CDH13: variants seen among roughly 807,000 people sequenced by gnomAD.
CDH13 encodes the protein cadherin-13.
CDH13 carries 24 observed loss-of-function variants against 63.8 expected under a neutral mutation model. The observed-to-expected ratio is 0.38, with a 90% CI of 0.27 to 0.53. The LOEUF is 0.53. CDH13 is among the 20% of genes least tolerant of loss of function. The pLI is 0.85. For missense variants in CDH13, 1,049 were observed against 903.1 expected, an observed-to-expected ratio of 1.16 and a Z score of -2.07; for synonymous variants, 503 against 355.3, an observed-to-expected ratio of 1.42 and a Z score of -4.67.
intron 5 of CDH13, among the ~76,000 whole-genome samples, chr16:83,232,111 T>C (rs2040012831): frequency 6.6e-6 from 1 of 150,938 alleles, no homozygotes; most frequent in Admixed American, 6.6e-5. Flanking sequence ...CTAGGCTTAA[T>C]ACCTGATTGA....
chr16:83,392,389 A>T (rs1206243712), intron 6 of CDH13, among the ~76,000 whole-genome samples: 1 of 152,220 alleles, frequency 6.6e-6, no homozygotes, highest in African/African-American at 2.4e-5. Context: ...GATTGTTCCT[A>T]AAATTATCAC....
intron 3 of CDH13, among the ~76,000 whole-genome samples, chr16:83,067,589 G>A (rs189676694): frequency 2.3e-4 from 35 of 152,292 alleles, no homozygotes; most frequent in African/African-American, 8.2e-4. Flanking sequence ...CATGATCGAA[G>A]AACCTCACTG....
chr16:82,778,817 ACCT>A (rs2035620123), intron 1 of CDH13, among the ~76,000 whole-genome samples: 1 of 151,984 alleles, frequency 6.6e-6, no homozygotes, highest in South Asian at 2.1e-4. Flanking sequence ...AAAGACCACC[ACCT>A]CCTTCCTTAA....
intron 3 of CDH13, among the ~76,000 whole-genome samples, chr16:83,040,444 C>G (rs181721459): frequency 6.6e-6 from 1 of 152,216 alleles, no homozygotes; most frequent in Non-Finnish European, 1.5e-5. Flanking sequence ...AGTCTGTGGC[C>G]GAAGGCCCCA....
chr16:82,702,478 C>G (rs1463513530), intron 1 of CDH13, among the ~76,000 whole-genome samples: 1 of 152,070 alleles, frequency 6.6e-6, no homozygotes, highest in African/African-American at 2.4e-5. Flanking sequence ...AGTGCAGGCA[C>G]CATAAATACC....
At chr16:83,536,128 A>G (rs1349805660) in intron 7 of CDH13, among the ~76,000 whole-genome samples, 1 of 152,152 alleles carries the variant, frequency 6.6e-6, no homozygotes, top group African/African-American at 2.4e-5. Flanking sequence ...GGCATTGAGA[A>G]ATCCTTTCCG....
At chr16:83,600,965 G>A (rs142195840) in intron 7 of CDH13, among the ~76,000 whole-genome samples, 23 of 152,224 alleles carry the variant, frequency 1.5e-4, no homozygotes, top group Non-Finnish European at 2.6e-4. Context: ...GTGGTCATGA[G>A]ATGACTCCTC....
intron 6 of CDH13, among the ~76,000 whole-genome samples, chr16:83,443,935 A>T (rs2072580610): frequency 1.3e-5 from 2 of 148,750 alleles, no homozygotes; most frequent in South Asian, 2.1e-4. Context: ...CCGTTTCTAA[A>T]AAAAAAAAAA....
At position 83,510,870 on chromosome 16, in the gene CDH13, A is replaced by G. The variant is rs146178930; in HGVS notation, c.960+24215A>G. 3.3e-5 allele frequency among the ~76,000 whole-genome samples: 5 copies of G among 152,372 alleles called. No homozygotes were observed. In the East Asian group the frequency reaches 7.7e-4, roughly 23 times the overall value. On this transcript the variant is annotated intron_variant, in intron 7 of 13. Coordinates refer to ENST00000567109, the MANE Select transcript of CDH13 (RefSeq NM_001257.5). ...CTAAAGGTCTTTCAGAAAATCAGTA[A>G]TGTAGGTCAGTGCATTTCAGGATTT... is the stretch of plus-strand genomic sequence containing the variant.
chr16:82,961,316 A>G (rs1198977652), intron 2 of CDH13, among the ~76,000 whole-genome samples: 1 of 152,178 alleles, frequency 6.6e-6, no homozygotes, highest in East Asian at 1.9e-4. Flanking sequence ...CTCAGAGGCC[A>G]TCCTTGGAAA....
intron 4 of CDH13, among the ~76,000 whole-genome samples, chr16:83,129,365 AG>A (rs1323815493): frequency 6.6e-6 from 1 of 152,236 alleles, no homozygotes; most frequent in Non-Finnish European, 1.5e-5. Context: ...GGCTTCCCCT[AG>A]AAGTGGACCG....
chr16:83,446,760 G>T (rs1293272555), intron 6 of CDH13, among the ~76,000 whole-genome samples: 1 of 152,096 alleles, frequency 6.6e-6, no homozygotes. Context: ...ACTGGGAAAG[G>T]AACTCCTGGG....
At chr16:83,358,214 G>A (rs941678059) in intron 6 of CDH13, among the ~76,000 whole-genome samples, 2 of 152,142 alleles carry the variant, frequency 1.3e-5, no homozygotes, top group African/African-American at 4.8e-5. Flanking sequence ...TGACCAACAA[G>A]CTAGAAGCAG....
At chr16:83,587,181 G>A (rs1259516312) in intron 7 of CDH13, among the ~76,000 whole-genome samples, 2 of 152,152 alleles carry the variant, frequency 1.3e-5, no homozygotes, top group Non-Finnish European at 2.9e-5. Flanking sequence ...TTGATTAGGA[G>A]ATCACATCTG....
intron 2 of CDH13, among the ~76,000 whole-genome samples, chr16:82,872,469 G>A (rs548944824): frequency 1.3e-5 from 2 of 152,134 alleles, no homozygotes; most frequent in Admixed American, 6.5e-5. Context: ...TAAGGTATTA[G>A]AACTACATAA....
At chr16:83,209,290 T>C (rs766535087) in intron 4 of CDH13, among the ~76,000 whole-genome samples, 9 of 152,180 alleles carry the variant, frequency 5.9e-5, no homozygotes, top group Non-Finnish European at 7.3e-5. Context: ...CCATGTTCCA[T>C]GGGACAGGCC....
chr16:82,673,877 T>C (rs1016658452), intron 1 of CDH13, among the ~76,000 whole-genome samples: 7 of 152,212 alleles, frequency 4.6e-5, no homozygotes, highest in African/African-American at 1.7e-4. Context: ...CCTCAAAAAC[T>C]GAGAAAACTA....
chr16:83,175,307 A>G (rs1457899365), intron 4 of CDH13, among the ~76,000 whole-genome samples: 1 of 152,136 alleles, frequency 6.6e-6, no homozygotes, highest in East Asian at 1.9e-4. Flanking sequence ...ATTATTTTAT[A>G]TGAAGTTATC....
chr16:82,968,840 C>G (rs1178788950), intron 2 of CDH13, among the ~76,000 whole-genome samples: 1 of 152,190 alleles, frequency 6.6e-6, no homozygotes, highest in Non-Finnish European at 1.5e-5. Context: ...AATAATAAGG[C>G]TGGGTGTAGT....
Sources: gnomAD v4.1 joint callset for allele counts (sites outside exome capture counted in the v4.1 genomes callset) on GRCh38, gnomAD v4.1.1 for gene constraint, MANE v1.5 for transcripts, NCBI Gene and HGNC (gene_info 2026-07-23, HGNC 2026-07-21) for gene names.